Variants in COLGALT2 observed in about 807,000 individuals in gnomAD.
COLGALT2 encodes the protein collagen beta(1-O)galactosyltransferase 2.
A neutral mutation model predicts 73.4 loss-of-function variants in COLGALT2; 49 were observed. The observed-to-expected ratio is 0.67, with a 90% CI of 0.53 to 0.85. COLGALT2 has a LOEUF of 0.85. Ranked by LOEUF, COLGALT2 falls within the 40% of genes least tolerant of loss-of-function variation. COLGALT2 has a pLI of 0.00. For missense variants in COLGALT2, 722 were observed against 790.2 expected, an observed-to-expected ratio of 0.91 and a Z score of 1.03; for synonymous variants, 295 against 307.6, an observed-to-expected ratio of 0.96 and a Z score of 0.43.
chr1:184,017,197 T>C (rs975176878), intron 1 of COLGALT2, among the ~76,000 whole-genome samples: 2 of 152,212 alleles, frequency 1.3e-5, no homozygotes, highest in Non-Finnish European at 2.9e-5. Flanking sequence ...AATCCTGATA[T>C]CTTCTAATTC....
chr1:184,003,982 A>G (rs1395856184), intron 1 of COLGALT2, among the ~76,000 whole-genome samples: 1 of 152,206 alleles, frequency 6.6e-6, no homozygotes, highest in Non-Finnish European at 1.5e-5. Flanking sequence ...CAACTATAGT[A>G]TGTCAACATG....
chr1:183,942,587 T>C (rs982007088), intron 10 of COLGALT2, among the ~76,000 whole-genome samples: 16 of 152,234 alleles, frequency 1.1e-4, no homozygotes, highest in African/African-American at 3.4e-4. Flanking sequence ...TTTATTATTT[T>C]CTTTTCCTGG....
rs1649309040 is a variant in COLGALT2, at chr1:184,025,590, C to T, written c.263+11505G>A. ...AAAGGAAGGACCTCCTGGGCAGCTG[C>T]TGCTTCTCTACCTGGTGCACACAGC... is the stretch of plus-strand genomic sequence containing the variant. On this transcript the variant is annotated intron_variant, in intron 1 of 11. Transcript: ENST00000361927. Among the ~76,000 whole-genome samples, 3 of 152,196 alleles carry T rather than the reference C, an allele frequency of 2.0e-5. No individual in the cohort carries two copies. In the South Asian group the frequency reaches 6.2e-4, roughly 31 times the overall value.
chr1:183,973,461 G>T (rs1448690544), intron 4 of COLGALT2, among the ~76,000 whole-genome samples, 155 bp downstream of exon 4: 1 of 152,106 alleles, frequency 6.6e-6, no homozygotes, highest in Non-Finnish European at 1.5e-5. Context: ...ATTGGACCCA[G>T]ATTTACTGCC....
intron 1 of COLGALT2, among the ~76,000 whole-genome samples, chr1:183,986,671 G>A (rs559173536): frequency 6.6e-6 from 1 of 151,948 alleles, no homozygotes; most frequent in Non-Finnish European, 1.5e-5. Context: ...CTCATGATTC[G>A]GAGATATATT....
intron 1 of COLGALT2, among the ~76,000 whole-genome samples, chr1:183,983,943 A>G (rs10752927): frequency 0.19 from 28,762 of 152,270 alleles, 3,013 homozygotes; most frequent in East Asian, 0.41. Context: ...TCAGTAATCA[A>G]ACTGGAAAAC....
chr1:183,978,219 T>C (rs1386672461), intron 2 of COLGALT2, among the ~76,000 whole-genome samples, 191 bp downstream of exon 2: 1 of 152,176 alleles, frequency 6.6e-6, no homozygotes, highest in Non-Finnish European at 1.5e-5. Flanking sequence ...CTGGCAGCTG[T>C]GGGAGTAAAC....
At chr1:184,000,087 A>G (rs1221636320) in intron 1 of COLGALT2, among the ~76,000 whole-genome samples, 1 of 152,122 alleles carries the variant, frequency 6.6e-6, no homozygotes, top group Non-Finnish European at 1.5e-5. Flanking sequence ...ACTTATTTAT[A>G]ATTGTGACTT....
chr1:184,036,019 C>T (rs1649662344), intron 1 of COLGALT2, among the ~76,000 whole-genome samples: 2 of 152,214 alleles, frequency 1.3e-5, no homozygotes. Flanking sequence ...CCAACCGCTG[C>T]TTTAAGGATG....
intron 1 of COLGALT2, among the ~76,000 whole-genome samples, chr1:184,011,099 G>T (rs1672222799): frequency 6.6e-6 from 1 of 152,198 alleles, no homozygotes; most frequent in South Asian, 2.1e-4. Flanking sequence ...GGCTAATGGA[G>T]ATCCAAGGGC....
chr1:183,990,360 C>T (rs959019804), intron 1 of COLGALT2, among the ~76,000 whole-genome samples: 1 of 152,208 alleles, frequency 6.6e-6, no homozygotes, highest in Non-Finnish European at 1.5e-5. Context: ...CTGTACAGTT[C>T]CCTCAGTTCA....
chr1:183,950,559 G>C (rs900384440), intron 8 of COLGALT2, among the ~76,000 whole-genome samples: 1 of 151,628 alleles, frequency 6.6e-6, no homozygotes, highest in Non-Finnish European at 1.5e-5. Flanking sequence ...CACTATGATC[G>C]GTCCAGGCAG....
At chr1:184,019,741 G>A (rs1649117193) in intron 1 of COLGALT2, among the ~76,000 whole-genome samples, 1 of 152,188 alleles carries the variant, frequency 6.6e-6, no homozygotes, top group Non-Finnish European at 1.5e-5. Context: ...AAGATGAGAT[G>A]TGCTGTGACG....
In COLGALT2 at chr1:183,951,031, T is replaced by C. The variant is rs988279013; in HGVS notation, c.1112A>G (p.Lys371Arg). 1 of 1,613,572 alleles carries C rather than the reference T, an allele frequency of 6.2e-7. No homozygotes were observed. The highest frequency in any genetic ancestry group is 1.3e-5 in the African/African-American group (1 of 74,918). The change falls in exon 8 of 12, where the codon AAG (lysine) becomes AGG (arginine). Residue 371 changes from lysine to arginine, a missense_variant. Physicochemically the swap from Lys to Arg is conservative, Grantham distance 26 (BLOSUM62 2). Transcript: ENST00000361927. ...RTLYEQEIEVKIVEAVDGKAL... is the reference protein window; with the variant it reads ...RTLYEQEIEVRIVEAVDGKAL... ...CTTTCCATCCACAGCCTCGACAATC[T>C]TGACCTCAATCTCCTGTTCATACAG... is the stretch of plus-strand genomic sequence containing the variant.
intron 1 of COLGALT2, among the ~76,000 whole-genome samples, chr1:184,019,919 C>T (rs577398102): frequency 6.6e-6 from 1 of 152,238 alleles, no homozygotes; most frequent in Non-Finnish European, 1.5e-5. Flanking sequence ...TCACCTAAAA[C>T]GCAGTGATGC....
At chr1:183,980,895 C>T (rs936277154) in intron 1 of COLGALT2, among the ~76,000 whole-genome samples, 1 of 152,132 alleles carries the variant, frequency 6.6e-6, no homozygotes, top group Non-Finnish European at 1.5e-5. Context: ...GAAGGAATTT[C>T]ACTAACATAA....
At chr1:183,953,353 A>C (rs1378141651) in intron 7 of COLGALT2, among the ~76,000 whole-genome samples, 2 of 152,174 alleles carry the variant, frequency 1.3e-5, no homozygotes, top group Non-Finnish European at 2.9e-5. Context: ...AGCCTGTGCC[A>C]CTTCATGGAG....
At chr1:184,035,744 T>C (rs960332491) in intron 1 of COLGALT2, among the ~76,000 whole-genome samples, 1 of 152,188 alleles carries the variant, frequency 6.6e-6, no homozygotes, top group African/African-American at 2.4e-5. Context: ...AGGTAACTGA[T>C]ATGTGTGAAT....
At position 183,975,175 on chromosome 1, in the gene COLGALT2, G is replaced by A. The variant is rs1214538186; in HGVS notation, c.414C>T (p.Thr138=). ...PDEIGPKHWP[T]SRFAHVMKLR... ...GTTTCATCACATGGGCAAACCGGGAGGTTGGCCAGTGCTTTGGTCCAATTT... is the reference window on the plus strand; with the variant it reads ...GTTTCATCACATGGGCAAACCGGGAAGTTGGCCAGTGCTTTGGTCCAATTT... The change falls in exon 3 of 12, where the codon ACC becomes ACT. Residue 138 remains threonine (T), a synonymous_variant. Transcript: ENST00000361927. 4 of 1,614,086 alleles carry A rather than the reference G, an allele frequency of 2.5e-6. No individual in the cohort carries two copies.
Sources: gnomAD v4.1 joint callset for allele counts (sites outside exome capture counted in the v4.1 genomes callset) on GRCh38, gnomAD v4.1.1 for gene constraint, MANE v1.5 for transcripts, NCBI Gene and HGNC (gene_info 2026-07-23, HGNC 2026-07-21) for gene names.